Variants in ASTN2 observed in about 807,000 individuals in gnomAD.
ASTN2 encodes the protein astrotactin-2.
ASTN2 carries 54 observed loss-of-function variants against 139.8 expected under a neutral mutation model. The ratio of observed to expected loss-of-function variants is 0.39; its 90% CI spans 0.31 to 0.48. The LOEUF is 0.48. Among genes scored for constraint, ASTN2 ranks in the 20% least tolerant of loss-of-function variants. The pLI, the probability that ASTN2 is intolerant of heterozygous loss-of-function variation, is 0.95. For synonymous variants in ASTN2, 756 were observed against 719.5 expected, an observed-to-expected ratio of 1.05 and a Z score of -0.81; for missense variants, 1,565 against 1,725.1, an observed-to-expected ratio of 0.91 and a Z score of 1.64.
At chr9:116,759,700 CTTCT>C (rs1448099299) in intron 13 of ASTN2, among the ~76,000 whole-genome samples, 7 of 152,098 alleles carry the variant, frequency 4.6e-5, no homozygotes, top group Non-Finnish European at 7.4e-5. Context: ...ATTCCTTATC[CTTCT>C]TTATTTTTCT....
chr9:116,659,316 A>C (rs975850343), intron 16 of ASTN2, among the ~76,000 whole-genome samples: 3 of 152,184 alleles, frequency 2.0e-5, no homozygotes, highest in Non-Finnish European at 2.9e-5. Context: ...GTTTGATATC[A>C]TGTAGACAGT....
At chr9:116,778,039 G>A (rs1200755410) in intron 13 of ASTN2, among the ~76,000 whole-genome samples, 2 of 151,944 alleles carry the variant, frequency 1.3e-5, no homozygotes, top group Admixed American at 6.6e-5. Context: ...TAGAGACGGG[G>A]TTTCACCATA....
At chr9:116,880,717 G>T (rs1473875679) in intron 10 of ASTN2, among the ~76,000 whole-genome samples, 2 of 151,942 alleles carry the variant, frequency 1.3e-5, no homozygotes, top group African/African-American at 2.4e-5. Context: ...TTCCTTCTAG[G>T]GCAAAAGAAG....
rs141283042 is a variant in ASTN2 at position 117,100,904 on chromosome 9, G to A, written c.1169-4753C>T. On this transcript the variant is annotated intron_variant, in intron 4 of 22. Transcript: ENST00000313400. ...ATGGACTTCAGTAGAAATAAATTAA[G>A]TTATTGGAGTCAGACATGAGTTCTA... Among the ~76,000 whole-genome samples the A allele has an allele frequency of 5.5e-3, 837 of 152,320 alleles. 10 individuals are homozygous for A. Among genetic ancestry groups the A allele is most frequent in the African/African-American group, 0.017 (707 of 41,576 alleles).
At position 116,787,472 on chromosome 9, in the gene ASTN2, G is replaced by C. The variant is rs139575521; in HGVS notation, c.2396+18160C>G. 3.2e-3 allele frequency among the ~76,000 whole-genome samples: 489 copies of C among 152,282 alleles called. 3 individuals carry two copies. The highest frequency in any genetic ancestry group is 0.011 in the African/African-American group (466 of 41,572). On this transcript the variant is annotated intron_variant, in intron 13 of 22. Coordinates refer to ENST00000313400, the MANE Select transcript of ASTN2 (RefSeq NM_001365068.1). ...GTACCCCTATCTCTTAGTCTTTGTG[G>C]AAGGGTGGAAGCCCAACTTCCATGG... is the stretch of plus-strand genomic sequence containing the variant.
chr9:116,924,023 G>A (rs75095823), intron 10 of ASTN2, among the ~76,000 whole-genome samples: 1,693 of 152,272 alleles, frequency 0.011, 29 homozygotes, highest in South Asian at 0.076. Context: ...GAACCCAATA[G>A]AGGGTTCTTG....
rs142643216 is a variant in ASTN2 at position 117,194,179 on chromosome 9, G to A, written c.1015+20179C>T. Among the ~76,000 whole-genome samples, 300 of 152,206 alleles carry A rather than the reference G, an allele frequency of 2.0e-3. 3 individuals are homozygous for A. The highest frequency in any genetic ancestry group is 7.0e-3 in the African/African-American group (291 of 41,528). On this transcript the variant is annotated intron_variant, in intron 3 of 22. Coordinates refer to ENST00000313400, the MANE Select transcript of ASTN2 (RefSeq NM_001365068.1). Reference sequence around the variant, plus strand: ...GGTAAGACCTAAAACCCTCATGTGGGCCTTGCCTGGCTCAGGTACCATTTC... The same window carrying A: ...GGTAAGACCTAAAACCCTCATGTGGACCTTGCCTGGCTCAGGTACCATTTC...
rs554905385 is a variant in ASTN2 at position 116,778,821 on chromosome 9, G to A, written c.2396+26811C>T. ...TGCAATTTATCGCCACCTGTCTGAA[G>A]TCCTTTAGGAGAACAGAGGGGGCCC... On this transcript the variant is annotated intron_variant, in intron 13 of 22. Coordinates refer to ENST00000313400, the MANE Select transcript of ASTN2 (RefSeq NM_001365068.1). Among the ~76,000 whole-genome samples the A allele has an allele frequency of 3.3e-5, 5 of 152,276 alleles. No homozygotes were observed. The East Asian group carries it at 9.7e-4, about 29-fold the overall frequency.
intron 7 of ASTN2, among the ~76,000 whole-genome samples, chr9:116,978,470 ATCTCTCTCTC>A (rs147901303): frequency 1.4e-5 from 2 of 141,848 alleles, no homozygotes; most frequent in African/African-American, 5.2e-5. Context: ...CTCTGTATGT[ATCTCTCTCTC>A]TCTCTCTCTC....
At chr9:116,589,560 T>C (rs1434962754) in intron 19 of ASTN2, among the ~76,000 whole-genome samples, 4 of 152,152 alleles carry the variant, frequency 2.6e-5, no homozygotes, top group African/African-American at 4.8e-5. Flanking sequence ...GATGTCACTA[T>C]TGAAAACAAA....
intron 19 of ASTN2, among the ~76,000 whole-genome samples, chr9:116,592,309 C>A: frequency 6.6e-6 from 1 of 152,228 alleles, no homozygotes; most frequent in East Asian, 1.9e-4. Flanking sequence ...AACTTACAAT[C>A]ATGGGCAGAA....
chr9:116,833,679 C>A (rs1357281501), intron 11 of ASTN2, among the ~76,000 whole-genome samples: 1 of 151,996 alleles, frequency 6.6e-6, no homozygotes, highest in Non-Finnish European at 1.5e-5. Flanking sequence ...CTTCTTTGAC[C>A]CATTGATTAT....
intron 10 of ASTN2, among the ~76,000 whole-genome samples, chr9:116,894,764 A>C (rs1833843519): frequency 6.6e-6 from 1 of 152,192 alleles, no homozygotes; most frequent in Admixed American, 6.5e-5. Flanking sequence ...GTTGTAGGTC[A>C]GTAAAGAAGT....
At chr9:117,062,197 C>T (rs113078278) in intron 5 of ASTN2, among the ~76,000 whole-genome samples, 2 of 152,280 alleles carry the variant, frequency 1.3e-5, no homozygotes, top group African/African-American at 4.8e-5. Flanking sequence ...GGCCTGCCCT[C>T]AACACTGTAA....
intron 10 of ASTN2, among the ~76,000 whole-genome samples, chr9:116,897,679 G>A (rs915457934): frequency 6.6e-6 from 1 of 151,746 alleles, no homozygotes; most frequent in South Asian, 2.1e-4. Context: ...ATCTATATGT[G>A]TCACCATGAA....
intron 17 of ASTN2, among the ~76,000 whole-genome samples, chr9:116,640,612 G>A (rs776632269): frequency 3.9e-5 from 6 of 152,176 alleles, no homozygotes; most frequent in Non-Finnish European, 8.8e-5. Context: ...ACTATGGCTG[G>A]AGCACAGGAA....
chr9:117,097,610 A>C (rs774258711), intron 4 of ASTN2, among the ~76,000 whole-genome samples: 1 of 152,176 alleles, frequency 6.6e-6, no homozygotes, highest in Admixed American at 6.6e-5. Flanking sequence ...ATGGAGAATT[A>C]AGTGCCTGAA....
At chr9:116,762,512 G>A (rs1160600052) in intron 13 of ASTN2, among the ~76,000 whole-genome samples, 2 of 152,152 alleles carry the variant, frequency 1.3e-5, no homozygotes, top group Middle Eastern at 3.2e-3. Context: ...ATTAGGTGTT[G>A]GCAAACTATT....
At chr9:117,296,864 G>A (rs561282963) in intron 1 of ASTN2, among the ~76,000 whole-genome samples, 2 of 152,194 alleles carry the variant, frequency 1.3e-5, no homozygotes, top group South Asian at 2.1e-4. Flanking sequence ...ATATTCAACA[G>A]GCTCAAATCC....
Sources: gnomAD v4.1 joint callset for allele counts (sites outside exome capture counted in the v4.1 genomes callset) on GRCh38, gnomAD v4.1.1 for gene constraint, MANE v1.5 for transcripts, NCBI Gene and HGNC (gene_info 2026-07-23, HGNC 2026-07-21) for gene names.